AACS: variants seen among roughly 807,000 people sequenced by gnomAD.
AACS encodes acetoacetyl-CoA synthetase, also known as acetoacetate-CoA ligase.
Under a neutral mutation model 83.1 loss-of-function variants are expected in AACS, and 69 were observed. The observed-to-expected ratio is 0.83, with a 90% CI of 0.68 to 1.01. The LOEUF (loss-of-function observed/expected upper bound fraction) is 1.01. Ranked by LOEUF, AACS falls within the 50% of genes least tolerant of loss-of-function variation. AACS has a pLI of 0.00. For missense variants in AACS, 866 were observed against 882.2 expected (o/e 0.98, Z 0.23); for synonymous variants, 333 against 343.4 (o/e 0.97, Z 0.33).
In AACS at chr12:125,134,675, C is replaced by T. The variant is rs142255819; in HGVS notation, c.1620-119C>T. On this transcript the variant is annotated intron_variant, in intron 15 of 17. Coordinates refer to ENST00000316519, the MANE Select transcript of AACS (RefSeq NM_023928.5). ...GCAAGGAGCTGGGGAGCGGAGTGTC[C>T]GTGACTAGTCCTGGGGGATGCCATG... The T allele has an allele frequency of 7.6e-5, 83 of 1,089,382 alleles. No individual in the cohort carries two copies. In the Middle Eastern group the frequency reaches 1.2e-3, roughly 16 times the overall value. The allele number at this position is 1,089,382 out of a possible 1,614,324, so 67.5% of individuals were successfully genotyped here.
intron 4 of AACS, among the ~76,000 whole-genome samples, chr12:125,090,462 CAACT>C (rs1956456141): frequency 6.6e-6 from 1 of 151,584 alleles, no homozygotes; most frequent in Non-Finnish European, 1.5e-5. Context: ...ACTATCCATC[CAACT>C]GTCTATACAT....
intron 14 of AACS, among the ~76,000 whole-genome samples, chr12:125,131,306 G>A (rs929810696): frequency 3.9e-5 from 6 of 152,052 alleles, no homozygotes. Flanking sequence ...TGATCTCCAG[G>A]GCTCAAAGGA....
chr12:125,081,676 G>A (rs965760248), intron 3 of AACS, among the ~76,000 whole-genome samples: 25 of 152,278 alleles, frequency 1.6e-4, no homozygotes, highest in Admixed American at 1.3e-4. Context: ...TAGCACATCC[G>A]TGTTGAGATT....
chr12:125,112,423 G>A (rs1353503358), intron 8 of AACS, among the ~76,000 whole-genome samples: 3 of 152,116 alleles, frequency 2.0e-5, no homozygotes, highest in Non-Finnish European at 4.4e-5. Flanking sequence ...GCTCATGCTT[G>A]TAATCCCAGC....
chr12:125,115,847 G>A (rs571163268), intron 9 of AACS, among the ~76,000 whole-genome samples: 112 of 152,062 alleles, frequency 7.4e-4, no homozygotes, highest in Non-Finnish European at 1.4e-3. Flanking sequence ...ACAGACCCCT[G>A]GGATTACACA....
At chr12:125,103,826 G>A (rs12299606) in intron 7 of AACS, among the ~76,000 whole-genome samples, 4,522 of 151,148 alleles carry the variant, frequency 0.03, 231 homozygotes, top group African/African-American at 0.1. Flanking sequence ...GTCTCTACTA[G>A]AAATACAAAA....
rs555727768 is a variant in AACS at position 125,072,827 on chromosome 12, C to G, written c.134-1049C>G. ...TGGGGAAAAGTTATTTTGAGTATAA[C>G]TGAGTGGAATCTGCAAGGGGGAACT... On this transcript the variant is annotated intron_variant, in intron 1 of 17. Coordinates refer to ENST00000316519, the MANE Select transcript of AACS (RefSeq NM_023928.5). Among the ~76,000 whole-genome samples the G allele has an allele frequency of 2.0e-5, 3 of 151,224 alleles. No individual in the cohort carries two copies. In the East Asian group the frequency reaches 5.8e-4, roughly 29 times the overall value.
At chr12:125,120,741 C>G (rs1039864640) in intron 10 of AACS, 2 of 152,170 alleles carry the variant, frequency 1.3e-5, no homozygotes, top group African/African-American at 2.4e-5. Flanking sequence ...AGACCGTGCT[C>G]TGTGTGTGCA....
At chr12:125,066,973 A>C (rs919081479) in intron 1 of AACS, among the ~76,000 whole-genome samples, 1 of 152,048 alleles carries the variant, frequency 6.6e-6, no homozygotes, top group Admixed American at 6.6e-5. Flanking sequence ...CCTCCTCACC[A>C]AACAGTGGTT....
Position 125,070,348 on chromosome 12 carries a change from G to T in AACS, c.134-3528G>T, listed in dbSNP as rs138090158. 3.0e-4 allele frequency among the ~76,000 whole-genome samples: 46 copies of T among 152,284 alleles called. 1 individual carries two copies. The East Asian group carries it at 6.6e-3, about 22-fold the overall frequency. On this transcript the variant is annotated intron_variant, in intron 1 of 17. Coordinates refer to ENST00000316519, the MANE Select transcript of AACS (RefSeq NM_023928.5). ...ACAGCAGTGCGCTGGGTTTAGCAGA[G>T]AATGCGGTTTAGAAGGGCGGATAGC... is the stretch of plus-strand genomic sequence containing the variant.
At position 125,102,708 on chromosome 12, in the gene AACS, G is replaced by C. The variant is rs1956739655; in HGVS notation, c.600G>C (p.Gln200His). The C allele has an allele frequency of 6.2e-7, 1 of 1,613,942 alleles. No individual in the cohort carries two copies. The highest frequency in any genetic ancestry group is 1.3e-5 in the African/African-American group (1 of 74,902). Residue 200 changes from glutamine to histidine, a missense_variant, in exon 6 of 18, where the codon CAG (glutamine) becomes CAC (histidine). By Grantham distance (24) the Gln-to-His change is conservative (BLOSUM62 0). Coordinates refer to ENST00000316519, the MANE Select transcript of AACS (RefSeq NM_023928.5). ...TGCTGGACCGGTTTTCTCAAATTCAGCCAAAGCTCATCTTCTCTGTGGAGG... is the reference window on the plus strand; with the variant it reads ...TGCTGGACCGGTTTTCTCAAATTCACCCAAAGCTCATCTTCTCTGTGGAGG... ...NGVLDRFSQI[Q>H]PKLIFSVEAV... is the part of the protein sequence containing the mutation.
At chr12:125,083,709 A>G (rs1956258873) in intron 3 of AACS, among the ~76,000 whole-genome samples, 1 of 152,150 alleles carries the variant, frequency 6.6e-6, no homozygotes, top group South Asian at 2.1e-4. Context: ...GCTGGAGTGC[A>G]GTAGCACCAT....
intron 3 of AACS, among the ~76,000 whole-genome samples, 183 bp downstream of exon 3, chr12:125,076,794 G>A (rs1956037087): frequency 6.6e-6 from 1 of 152,208 alleles, no homozygotes; most frequent in East Asian, 1.9e-4. Context: ...GTGTGGTCAT[G>A]CTTTATGGGC....
Position 125,065,696 on chromosome 12 carries a change from G to C in AACS, c.112G>C (p.Ala38Pro). The C allele has an allele frequency of 6.5e-7, 1 of 1,539,640 alleles. No individual in the cohort carries two copies. ...GGACCGCTTCCGGGCGGCTGTGGGC[G>C]CCGCCTGCGGCCTGGCGCTGGGTGA... The part of the protein sequence containing the change: ...QMDRFRAAVG[A>P]ACGLALESYD... Residue 38 changes from alanine to proline, a missense_variant, in exon 1 of 18, where the codon GCC (alanine) becomes CCC (proline). By Grantham distance (27) the Ala-to-Pro change is conservative. Coordinates refer to ENST00000316519, the MANE Select transcript of AACS (RefSeq NM_023928.5).
intron 1 of AACS, among the ~76,000 whole-genome samples, chr12:125,066,233 C>G (rs761124332): frequency 1.3e-5 from 2 of 152,044 alleles, no homozygotes; most frequent in Non-Finnish European, 1.5e-5. Context: ...AGGCCCTGTC[C>G]ACGTGTCTAC....
At chr12:125,066,599 A>G (rs750435780) in intron 1 of AACS, among the ~76,000 whole-genome samples, 6 of 151,296 alleles carry the variant, frequency 4.0e-5, no homozygotes, top group Non-Finnish European at 5.9e-5. Context: ...ACAGGCATAC[A>G]CCACCACGCC....
At chr12:125,109,875 G>A (rs1313670359) in intron 8 of AACS, among the ~76,000 whole-genome samples, 2 of 152,204 alleles carry the variant, frequency 1.3e-5, no homozygotes, top group African/African-American at 2.4e-5. Context: ...AGGTCCAGGT[G>A]ATGCAGCTTT....
At position 125,097,196 on chromosome 12, in the gene AACS, T is replaced by A. The variant is rs1956626778; in HGVS notation, c.571-5483T>A. Among the ~76,000 whole-genome samples, 1 of 152,086 alleles carries A rather than the reference T, an allele frequency of 6.6e-6. No homozygotes were observed. Among genetic ancestry groups the A allele is most frequent in the Non-Finnish European group, 1.5e-5 (1 of 68,006 alleles). ...CTCCTGGGGGGCACCATTTTGGGGCTTTCTGCAACCACCTCTGTGTAGCAG... is the reference window on the plus strand; with the variant it reads ...CTCCTGGGGGGCACCATTTTGGGGCATTCTGCAACCACCTCTGTGTAGCAG... On this transcript the variant is annotated intron_variant, in intron 5 of 17. Coordinates refer to ENST00000316519, the MANE Select transcript of AACS (RefSeq NM_023928.5). The surrounding 1 kb of genome is among the most constrained non-coding windows in gnomAD (Gnocchi z 4.3).
intron 4 of AACS, among the ~76,000 whole-genome samples, chr12:125,087,587 G>A (rs976620970): frequency 6.6e-6 from 1 of 152,202 alleles, no homozygotes; most frequent in South Asian, 2.1e-4. Context: ...CACAGGGGGC[G>A]GGTGGCAGGA....
Sources: allele counts gnomAD v4.1 joint callset (sites outside exome capture counted in the v4.1 genomes callset), GRCh38; gene constraint gnomAD v4.1.1; non-coding constraint Gnocchi (gnomAD v3.1); transcripts MANE v1.5; gene names NCBI Gene and HGNC (gene_info 2026-07-23, HGNC 2026-07-21).